Variants in CCDC170 observed in about 807,000 individuals in gnomAD.
The protein encoded by CCDC170 is coiled-coil domain-containing protein 170.
A neutral mutation model predicts 72.6 loss-of-function variants in CCDC170; 69 were observed. That is an observed-to-expected ratio of 0.95 (90% CI 0.78 to 1.16). The LOEUF is 1.16. Among genes scored for constraint, CCDC170 ranks in the 50% most tolerant of loss-of-function variants. The probability of loss-of-function intolerance (pLI) is 0.00; values close to 1 mark genes in which losing one functional copy is unlikely to be tolerated. For missense variants in CCDC170, 852 were observed against 832.5 expected, an observed-to-expected ratio of 1.02 and a Z score of -0.29; for synonymous variants, 300 against 303.9, an observed-to-expected ratio of 0.99 and a Z score of 0.13.
At chr6:151,495,972 A>G (rs1286746427) in intron 1 of CCDC170, among the ~76,000 whole-genome samples, 2 of 152,150 alleles carry the variant, frequency 1.3e-5, no homozygotes, top group South Asian at 4.1e-4. Context: ...ATTTATTGCC[A>G]ATTTTTTTTC....
chr6:151,516,144 T>C (rs1298864011), intron 1 of CCDC170, among the ~76,000 whole-genome samples: 1 of 152,146 alleles, frequency 6.6e-6, no homozygotes, highest in East Asian at 1.9e-4. Context: ...ATCTGTCATA[T>C]AATGCTATAC....
intron 2 of CCDC170, among the ~76,000 whole-genome samples, chr6:151,537,536 T>C (rs1049114347): frequency 2.0e-5 from 3 of 152,008 alleles, no homozygotes; most frequent in Non-Finnish European, 4.4e-5. Context: ...TTTTCTCCTA[T>C]GTTTTTTTTC....
chr6:151,529,690 G>A (rs1034782060), intron 1 of CCDC170, among the ~76,000 whole-genome samples: 4 of 151,988 alleles, frequency 2.6e-5, no homozygotes, highest in Non-Finnish European at 2.9e-5. Context: ...ATGGTATAAC[G>A]AATATCTTTA....
chr6:151,571,068 C>A (rs1018278393), intron 5 of CCDC170, among the ~76,000 whole-genome samples: 1 of 152,062 alleles, frequency 6.6e-6, no homozygotes, highest in Non-Finnish European at 1.5e-5. Context: ...AAAAAAGTCA[C>A]CATAATGGAA....
chr6:151,510,641 A>G (rs576140597), intron 1 of CCDC170, among the ~76,000 whole-genome samples: 140 of 152,354 alleles, frequency 9.2e-4, no homozygotes, highest in African/African-American at 3.2e-3. Flanking sequence ...ATTAGTCAGG[A>G]CACTCATAAC....
intron 8 of CCDC170, among the ~76,000 whole-genome samples, chr6:151,594,282 G>A (rs1776588185): frequency 1.3e-5 from 2 of 152,150 alleles, no homozygotes; most frequent in Non-Finnish European, 2.9e-5. Flanking sequence ...GTGTGACCTT[G>A]AACAGATTAT....
At chr6:151,553,069 G>A (rs1782911366) in intron 5 of CCDC170, among the ~76,000 whole-genome samples, 1 of 152,104 alleles carries the variant, frequency 6.6e-6, no homozygotes, top group Admixed American at 6.6e-5. Context: ...TTACAGGCAT[G>A]AGCCACTGCG....
Position 151,618,235 on chromosome 6 carries a change from G to T in CCDC170, c.*88G>T. 3 of 1,180,864 alleles carry T rather than the reference G, an allele frequency of 2.5e-6. No individual in the cohort carries two copies. In the South Asian group the frequency reaches 4.3e-5, roughly 17 times the overall value. 73.1% of individuals were successfully genotyped at this position (1,180,864 alleles called of 1,614,324 possible). A position where few individuals can be genotyped will look rare whatever the true frequency, so the allele number is the denominator to read the frequency against. ...TCCTCATGTCTTTGAGATTTGATCAGTTTGTGAATATTTTATGCTTTGATG... is the reference window on the plus strand; with the variant it reads ...TCCTCATGTCTTTGAGATTTGATCATTTTGTGAATATTTTATGCTTTGATG... On this transcript the variant is annotated 3_prime_UTR_variant, in exon 11 of 11. Coordinates refer to ENST00000239374, the MANE Select transcript of CCDC170 (RefSeq NM_025059.4).
At chr6:151,516,694 T>A (rs939831350) in intron 1 of CCDC170, among the ~76,000 whole-genome samples, 1 of 152,124 alleles carries the variant, frequency 6.6e-6, no homozygotes, top group Non-Finnish European at 1.5e-5. Flanking sequence ...GAAAAACTGG[T>A]CAGCTCTAGA....
intron 9 of CCDC170, among the ~76,000 whole-genome samples, chr6:151,609,466 C>T (rs1454581225): frequency 1.3e-5 from 2 of 152,068 alleles, no homozygotes; most frequent in African/African-American, 4.8e-5. Context: ...GGTCTTTGGC[C>T]CTTATAACAT....
At chr6:151,541,129 C>T (rs1286593839) in intron 3 of CCDC170, among the ~76,000 whole-genome samples, 1 of 152,126 alleles carries the variant, frequency 6.6e-6, no homozygotes. Context: ...AATTTCTTTT[C>T]CTGGAAGGCT....
At chr6:151,505,106 C>T (rs913153169) in intron 1 of CCDC170, among the ~76,000 whole-genome samples, 7 of 152,094 alleles carry the variant, frequency 4.6e-5, no homozygotes, top group South Asian at 2.1e-4. Context: ...CGGAGCTGCC[C>T]GCTGGCCTCC....
intron 9 of CCDC170, among the ~76,000 whole-genome samples, chr6:151,612,666 C>G (rs893207893): frequency 5.9e-5 from 9 of 152,068 alleles, no homozygotes; most frequent in African/African-American, 1.9e-4. Flanking sequence ...TCCTTCCTGA[C>G]AATCTCCCCC....
At chr6:151,533,344 G>A (rs1004940197) in intron 1 of CCDC170, among the ~76,000 whole-genome samples, 26 of 151,618 alleles carry the variant, frequency 1.7e-4, no homozygotes, top group Middle Eastern at 3.4e-3. Flanking sequence ...GTGAGCCGCC[G>A]CACCTGGCCG....
intron 9 of CCDC170, among the ~76,000 whole-genome samples, chr6:151,603,145 C>A (rs1776736181): frequency 6.6e-6 from 1 of 152,122 alleles, no homozygotes; most frequent in Non-Finnish European, 1.5e-5. Context: ...CATTAATGGA[C>A]TAATACATCC....
intron 9 of CCDC170, among the ~76,000 whole-genome samples, chr6:151,610,658 A>G (rs1776855871): frequency 6.6e-6 from 1 of 152,190 alleles, no homozygotes; most frequent in African/African-American, 2.4e-5. Context: ...GGTATCTACT[A>G]TGCAGTTCAT....
At chr6:151,529,011 C>T (rs752097648) in intron 1 of CCDC170, among the ~76,000 whole-genome samples, 5 of 152,082 alleles carry the variant, frequency 3.3e-5, no homozygotes, top group Non-Finnish European at 5.9e-5. Context: ...CAAACCACTG[C>T]GCCTCTCACC....
intron 4 of CCDC170, among the ~76,000 whole-genome samples, chr6:151,547,600 C>T (rs1003087565): frequency 2.6e-5 from 4 of 152,110 alleles, no homozygotes; most frequent in East Asian, 1.9e-4. Context: ...ATCACTTCCA[C>T]GGAGAGTCTC....
rs560525371 is a variant in CCDC170 at position 151,514,335 on chromosome 6, AGGAGGGAGGGAG to A, written c.57+20180_57+20191del. ...GAAAGAAAATGAAAGAAAGGAAGGA[AGGAGGGAGGGAG>A]GGAGGGAGGGAGGGAGGGAGGGAGG... On this transcript the variant is annotated intron_variant, in intron 1 of 10. Coordinates refer to ENST00000239374, the MANE Select transcript of CCDC170 (RefSeq NM_025059.4). Among the ~76,000 whole-genome samples, 44 of 65,394 alleles carry A rather than the reference AGGAGGGAGGGAG, an allele frequency of 6.7e-4. 1 individual carries two copies. The highest frequency in any genetic ancestry group is 2.2e-3 in the Admixed American group (10 of 4,646). The allele number at this position is 65,394 out of a possible 152,430, so 42.9% of individuals were successfully genotyped here.
Sources: allele counts gnomAD v4.1 joint callset (sites outside exome capture counted in the v4.1 genomes callset), GRCh38; gene constraint gnomAD v4.1.1; transcripts MANE v1.5; gene names NCBI Gene and HGNC (gene_info 2026-07-23, HGNC 2026-07-21).